CNPY3: variants seen among roughly 807,000 people sequenced by gnomAD.
The protein encoded by CNPY3 is canopy FGF signaling regulator 3.
In CNPY3, 20 loss-of-function variants were observed where a neutral mutation model predicts 32.0. That is an observed-to-expected ratio of 0.63 (90% CI 0.44 to 0.91). CNPY3 has a LOEUF of 0.91. Ranked by LOEUF, CNPY3 falls within the 40% of genes least tolerant of loss-of-function variation. CNPY3 has a pLI of 0.00. For synonymous variants in CNPY3, 138 were observed against 142.9 expected, an observed-to-expected ratio of 0.97 and a Z score of 0.24; for missense variants, 299 against 340.8, an observed-to-expected ratio of 0.88 and a Z score of 0.97.
At chr6:42,937,877 C>T in intron 4 of CNPY3, 38 bp downstream of exon 4, 1 of 1,612,494 alleles carries the variant, frequency 6.2e-7, no homozygotes. Context: ...TTGCTGTGCC[C>T]AGTGAGGGGC....
At chr6:42,929,829 T>C (rs1767655547) in intron 1 of CNPY3, 108 bp downstream of exon 1, 6 of 1,294,068 alleles carry the variant, frequency 4.6e-6, no homozygotes, top group South Asian at 4.5e-5. Flanking sequence ...CTGCAGGGTG[T>C]CTTCCTTCCT....
At chr6:42,929,421 C>G (rs1767578942), upstream of CNPY3, 1 of 836,748 alleles carries the variant, frequency 1.2e-6, no homozygotes, top group Admixed American at 3.0e-5. Context: ...CGGGCTGCGG[C>G]TGCGAGAGGA....
intron 5 of CNPY3, 104 bp downstream of exon 5, chr6:42,938,311 A>G: frequency 2.2e-6 from 2 of 928,272 alleles, no homozygotes; most frequent in Admixed American, 1.7e-5. Context: ...AGGGCATTGT[A>G]GGATCTCTGC....
In CNPY3 at chr6:42,929,626, TGCTGCTGCTGCTGCTGCTGCCGGCC is replaced by T; in HGVS notation, c.57_81del (p.Leu20ArgfsTer32). ...TGTCTTCTGCTTCTTCCCTTGCTGC[TGCTGCTGCTGCTGCTGCTGCCGGCC>T]CCGGAGCTGGGCCCGAGCCAGGCCG... On this transcript the variant is annotated frameshift_variant, in exon 1 of 6. Coordinates refer to ENST00000372836, the MANE Select transcript of CNPY3 (RefSeq NM_006586.5). LOFTEE classifies it high-confidence loss of function. 6.4e-7 allele frequency: 1 copy of T among 1,553,294 alleles called. No homozygotes were observed. Among genetic ancestry groups the T allele is most frequent in the Non-Finnish European group, 8.7e-7 (1 of 1,149,754 alleles).
chr6:42,935,276 A>C (rs1768136672), intron 2 of CNPY3: 1 of 287,648 alleles, frequency 3.5e-6, no homozygotes, highest in African/African-American at 2.3e-5. Flanking sequence ...TCATCCTTTC[A>C]AAGAGAATGA....
At chr6:42,929,403 T>A (rs1037510416), upstream of CNPY3, 1 of 742,880 alleles carries the variant, frequency 1.3e-6, no homozygotes, top group African/African-American at 1.8e-5. Context: ...CTTGGTCCGC[T>A]TTGAAGGCGG....
intron 1 of CNPY3, among the ~76,000 whole-genome samples, chr6:42,930,476 AAAG>A (rs1164661215): frequency 6.6e-6 from 1 of 152,180 alleles, no homozygotes; most frequent in Non-Finnish European, 1.5e-5. Context: ...GGGGAACTTG[AAAG>A]AAGATTTTAG....
At chr6:42,934,425 C>A in intron 1 of CNPY3, 50 bp from the exon 2 acceptor site, 1 of 1,609,398 alleles carries the variant, frequency 6.2e-7, no homozygotes, top group Non-Finnish European at 8.5e-7. Flanking sequence ...GAGCTGGCCT[C>A]CCATTAGACT....
At chr6:42,930,636 C>G (rs573284755) in intron 1 of CNPY3, among the ~76,000 whole-genome samples, 66 of 152,314 alleles carry the variant, frequency 4.3e-4, no homozygotes, top group Non-Finnish European at 7.6e-4. Context: ...TCAGACCTTA[C>G]AGTCATGCCT....
chr6:42,934,256 C>T (rs1188738708), intron 1 of CNPY3, among the ~76,000 whole-genome samples: 1 of 152,166 alleles, frequency 6.6e-6, no homozygotes, highest in African/African-American at 2.4e-5. Context: ...ATCCTAGAGG[C>T]ATTCCTGAAA....
At chr6:42,932,707 C>G (rs1767920930) in intron 1 of CNPY3, among the ~76,000 whole-genome samples, 1 of 152,120 alleles carries the variant, frequency 6.6e-6, no homozygotes, top group South Asian at 2.1e-4. Flanking sequence ...GGATGGAGAG[C>G]TGGGGAGGTG....
chr6:42,938,456 A>C (rs555867253), intron 5 of CNPY3, 112 bp from the exon 6 acceptor site: 79 of 1,060,950 alleles, frequency 7.4e-5, no homozygotes, highest in South Asian at 1.4e-4. Flanking sequence ...AGGGAGGCTG[A>C]TGTCAAGCAC....
At chr6:42,929,756 G>T (rs1246256103) in intron 1 of CNPY3, 35 bp downstream of exon 1, 1 of 1,528,338 alleles carries the variant, frequency 6.5e-7, no homozygotes, top group Non-Finnish European at 8.8e-7. Context: ...GTATCCTGCC[G>T]GAGGGGCTGG....
Position 42,929,731 on chromosome 6 carries a change from C to G in CNPY3, c.151+10C>G, listed in dbSNP as rs1562537116. On this transcript the variant is annotated intron_variant, in intron 1 of 5. Coordinates refer to ENST00000372836, the MANE Select transcript of CNPY3 (RefSeq NM_006586.5). ...CCCAGCAAATGCGAAGGTGAGGAGG[C>G]GGGGCCCGTGGGGCGTATCCTGCCG... 6.5e-7 allele frequency: 1 copy of G among 1,541,974 alleles called. No homozygotes were observed. The highest frequency in any genetic ancestry group is 8.8e-7 in the Non-Finnish European group (1 of 1,141,778).
At chr6:42,938,525 C>T in intron 5 of CNPY3, 43 bp from the exon 6 acceptor site, 1 of 1,535,060 alleles carries the variant, frequency 6.5e-7, no homozygotes, top group Non-Finnish European at 8.8e-7. Flanking sequence ...GCACCCCAGC[C>T]CTGAGGCACT....
chr6:42,938,848 G>T lies in CNPY3; in HGVS notation c.*57G>T. ...TGATTTTGAAGCTGAGGAGTCAGGG[G>T]CATGGCTCTGGCAGGCCGGGATGGC... On this transcript the variant is annotated 3_prime_UTR_variant, in exon 6 of 6. Coordinates refer to ENST00000372836, the MANE Select transcript of CNPY3 (RefSeq NM_006586.5). 6.7e-7 allele frequency: 1 copy of T among 1,497,214 alleles called. No homozygotes were observed. The highest frequency in any genetic ancestry group is 1.4e-5 in the African/African-American group (1 of 71,338). The allele number at this position is 1,497,214 out of a possible 1,614,324, so 92.7% of individuals were successfully genotyped here.
At chr6:42,931,982 CA>C (rs1415168530) in intron 1 of CNPY3, among the ~76,000 whole-genome samples, 3 of 152,144 alleles carry the variant, frequency 2.0e-5, no homozygotes, top group Non-Finnish European at 2.9e-5. Context: ...CTCAGCCTTC[CA>C]AATTGCTGGG....
chr6:42,932,169 T>C (rs1023470139), intron 1 of CNPY3, among the ~76,000 whole-genome samples: 2 of 152,170 alleles, frequency 1.3e-5, no homozygotes, highest in African/African-American at 2.4e-5. Flanking sequence ...TATCTCTATA[T>C]CTAGAGATCA....
upstream of CNPY3, chr6:42,929,252 G>T (rs1307796946): frequency 1.0e-5 from 3 of 286,560 alleles, no homozygotes; most frequent in Non-Finnish European, 2.0e-5. Flanking sequence ...CAGAGCCTCC[G>T]TTAGGGGGTG....
Sources: allele counts gnomAD v4.1 joint callset (sites outside exome capture counted in the v4.1 genomes callset), GRCh38; gene constraint gnomAD v4.1.1; transcripts MANE v1.5; gene names NCBI Gene and HGNC (gene_info 2026-07-23, HGNC 2026-07-21).